PTPRN2: variants seen among roughly 807,000 people sequenced by gnomAD.
The protein encoded by PTPRN2 is protein tyrosine phosphatase receptor type N2.
PTPRN2 carries 74 observed loss-of-function variants against 118.8 expected under a neutral mutation model. That is an observed-to-expected ratio of 0.62 (90% CI 0.52 to 0.76). PTPRN2 has a LOEUF of 0.76. PTPRN2 is among the 30% of genes least tolerant of loss of function. The pLI is 0.00. For synonymous variants in PTPRN2, 641 were observed against 608.0 expected (o/e 1.05, Z -0.80); for missense variants, 1,481 against 1,394.4 (o/e 1.06, Z -0.99).
intron 3 of PTPRN2, among the ~76,000 whole-genome samples, chr7:158,300,498 C>A (rs1296471209): frequency 1.1e-5 from 1 of 90,956 alleles, no homozygotes; most frequent in Non-Finnish European, 2.4e-5. Flanking sequence ...GTGAGACATC[C>A]CATGAGGCGA....
chr7:157,642,829 AAAAAAAAAAAAAAAAG>A (rs1333691168), intron 14 of PTPRN2, among the ~76,000 whole-genome samples: 1 of 141,614 alleles, frequency 7.1e-6, no homozygotes, highest in Non-Finnish European at 1.5e-5. Context: ...AAAAAAAAAA[AAAAAAAAAAAAAAAAG>A]CAGCTAAAAC....
intron 11 of PTPRN2, among the ~76,000 whole-genome samples, chr7:157,962,507 G>T (rs1159558732): frequency 6.6e-6 from 1 of 152,230 alleles, no homozygotes; most frequent in South Asian, 2.1e-4. Flanking sequence ...CAGACCAAGG[G>T]TGCTTAGTTT....
intron 3 of PTPRN2, among the ~76,000 whole-genome samples, chr7:158,253,448 C>T (rs1796817637): frequency 6.6e-6 from 1 of 152,188 alleles, no homozygotes; most frequent in Non-Finnish European, 1.5e-5. Flanking sequence ...CAGAACCTTC[C>T]GTTTCCAGTC....
At chr7:157,817,861 T>C (rs1806517738) in intron 12 of PTPRN2, among the ~76,000 whole-genome samples, 1 of 151,962 alleles carries the variant, frequency 6.6e-6, no homozygotes, top group South Asian at 2.1e-4. Context: ...TGCGTGTGTG[T>C]GGTGAGTGCA....
intron 10 of PTPRN2, among the ~76,000 whole-genome samples, chr7:158,094,340 C>T (rs778486786): frequency 7.6e-4 from 116 of 152,246 alleles, no homozygotes; most frequent in Middle Eastern, 3.4e-3. Flanking sequence ...GACGGAGTCT[C>T]GCACTGTCAC....
rs768406944 is a variant in PTPRN2 at position 157,801,315 on chromosome 7, G to C, written c.1788+97358C>G. On this transcript the variant is annotated intron_variant, in intron 12 of 22. Transcript: ENST00000389418. The surrounding 1 kb of genome is among the most constrained non-coding windows in gnomAD (Gnocchi z 4.2). ...GACCCCTGTTAGGAGCAACGGCGGTGAGGCAGGATGAACGGCCTCATCCAC... is the reference window on the plus strand; with the variant it reads ...GACCCCTGTTAGGAGCAACGGCGGTCAGGCAGGATGAACGGCCTCATCCAC... Among the ~76,000 whole-genome samples the C allele has an allele frequency of 8.5e-5, 13 of 152,190 alleles. No homozygotes were observed. The highest frequency in any genetic ancestry group is 2.0e-4 in the Admixed American group (3 of 15,282).
chr7:157,988,508 C>T (rs1367160754), intron 11 of PTPRN2, among the ~76,000 whole-genome samples: 7 of 152,294 alleles, frequency 4.6e-5, no homozygotes, highest in East Asian at 1.9e-4. Context: ...ACACACCAAA[C>T]GCATTCCCGG....
chr7:158,417,557 G>A (rs536387132), intron 2 of PTPRN2, among the ~76,000 whole-genome samples: 1 of 146,904 alleles, frequency 6.8e-6, no homozygotes, highest in East Asian at 2.1e-4. Flanking sequence ...AGCTCTCACT[G>A]TCCCACTCTA....
At chr7:158,499,841 GTA>G (rs571445618) in intron 1 of PTPRN2, among the ~76,000 whole-genome samples, 2 of 117,400 alleles carry the variant, frequency 1.7e-5, no homozygotes, top group African/African-American at 2.7e-5. Flanking sequence ...TCCAGTGTGT[GTA>G]TGTGTGTGTG....
chr7:157,952,184 C>G (rs1282956019), intron 11 of PTPRN2, among the ~76,000 whole-genome samples: 2 of 152,184 alleles, frequency 1.3e-5, no homozygotes, highest in Non-Finnish European at 2.9e-5. Context: ...TGGGAGCCCC[C>G]CAGAGCCCCC....
chr7:158,459,411 C>T (rs1241394335), intron 2 of PTPRN2, among the ~76,000 whole-genome samples: 6 of 150,700 alleles, frequency 4.0e-5, no homozygotes, highest in East Asian at 2.0e-4. Context: ...TCGCCTGGGA[C>T]GAACGGGATC....
intron 2 of PTPRN2, among the ~76,000 whole-genome samples, chr7:158,340,789 C>T (rs1403141181): frequency 2.3e-5 from 2 of 86,054 alleles, no homozygotes; most frequent in East Asian, 7.7e-4. Context: ...TTGGTGACAC[C>T]TGCAGACGTC....
At chr7:157,788,883 C>T (rs1218722812) in intron 12 of PTPRN2, among the ~76,000 whole-genome samples, 1 of 152,230 alleles carries the variant, frequency 6.6e-6, no homozygotes, top group African/African-American at 2.4e-5. Flanking sequence ...CTGGAGGCCG[C>T]TGGAACCACC....
chr7:157,832,641 G>T (rs181673853), intron 12 of PTPRN2, among the ~76,000 whole-genome samples: 1 of 152,194 alleles, frequency 6.6e-6, no homozygotes. Context: ...CTGCACGTGT[G>T]GGGGAGGTGA....
intron 11 of PTPRN2, among the ~76,000 whole-genome samples, chr7:157,907,657 G>T (rs921447145): frequency 1.3e-5 from 2 of 149,202 alleles, no homozygotes; most frequent in Non-Finnish European, 3.0e-5. Flanking sequence ...CCCTGCGTGT[G>T]GGGTGTCCTG....
At chr7:158,068,951 T>C (rs1482767484) in intron 11 of PTPRN2, among the ~76,000 whole-genome samples, 2 of 152,210 alleles carry the variant, frequency 1.3e-5, no homozygotes, top group Admixed American at 1.3e-4. Flanking sequence ...TCAACACAGA[T>C]TGAAACTTCC....
intron 5 of PTPRN2, among the ~76,000 whole-genome samples, chr7:158,190,435 C>A (rs1332655622): frequency 6.6e-6 from 1 of 152,218 alleles, no homozygotes; most frequent in African/African-American, 2.4e-5. Flanking sequence ...TAGGGTTAGG[C>A]CCACACAGAG....
At chr7:158,405,729 A>C (rs193075317) in intron 2 of PTPRN2, among the ~76,000 whole-genome samples, 1 of 152,380 alleles carries the variant, frequency 6.6e-6, no homozygotes, top group East Asian at 1.9e-4. Flanking sequence ...AAAACTCGGA[A>C]AACCTTCCCA....
intron 10 of PTPRN2, among the ~76,000 whole-genome samples, chr7:158,092,223 CAT>C (rs974178164): frequency 5.9e-4 from 89 of 149,954 alleles, no homozygotes; most frequent in African/African-American, 2.0e-3. Context: ...TATATACACA[CAT>C]ATATGTATAT....
Sources: gnomAD v4.1 joint callset for allele counts (sites outside exome capture counted in the v4.1 genomes callset) on GRCh38, gnomAD v4.1.1 for gene constraint, Gnocchi (gnomAD v3.1) non-coding constraint, MANE v1.5 for transcripts, NCBI Gene and HGNC (gene_info 2026-07-23, HGNC 2026-07-21) for gene names.